The following QDPR variants were observed in gnomAD, a reference collection of about 807,000 sequenced individuals.
QDPR encodes the protein quinoid dihydropteridine reductase.
In QDPR, 23 loss-of-function variants were observed where a neutral mutation model predicts 31.7. The observed-to-expected ratio is 0.73, with a 90% confidence interval of 0.52 to 1.03. The LOEUF is 1.03. Among genes scored for constraint, QDPR ranks in the 50% least tolerant of loss-of-function variants. The probability of loss-of-function intolerance (pLI) is 0.00; values close to 1 mark genes in which losing one functional copy is unlikely to be tolerated. For missense variants in QDPR, 324 were observed against 323.8 expected, an observed-to-expected ratio of 1.00 and a Z score of 0.00; for synonymous variants, 124 against 124.7, an observed-to-expected ratio of 0.99 and a Z score of 0.03.
intron 6 of QDPR, among the ~76,000 whole-genome samples, chr4:17,488,288 T>G (rs1474846499): frequency 1.3e-5 from 2 of 152,002 alleles, no homozygotes; most frequent in African/African-American, 4.8e-5. Context: ...TTTTTAAAGA[T>G]TTTAATTAGT....
At chr4:17,494,663 G>A (rs1386510769) in intron 4 of QDPR, among the ~76,000 whole-genome samples, 1 of 152,152 alleles carries the variant, frequency 6.6e-6, no homozygotes, top group Non-Finnish European at 1.5e-5. Context: ...TGAGCACAGA[G>A]GAACACTCAA....
chr4:17,511,988 C>T lies in QDPR; in HGVS notation c.67G>A (p.Gly23Ser), dbSNP rs1719030411. ...VLVYGGRGAL[G>S]SRCVQAFRAR... ...CGAAAAGCCTGCACGCATCGAGAAC[C>T]CAGAGCGCCCCTGCCGCCGTACACC... Residue 23 changes from glycine (G) to serine (S), a missense_variant, in exon 1 of 7, where the codon GGT (glycine) becomes AGT (serine). Gly to Ser is a moderately conservative substitution (Grantham distance 56, BLOSUM62 0). Transcript: ENST00000281243. The T allele has an allele frequency of 1.2e-6, 2 of 1,610,616 alleles. No homozygotes were observed. The highest frequency in any genetic ancestry group is 1.7e-6 in the Non-Finnish European group (2 of 1,179,138).
intron 3 of QDPR, among the ~76,000 whole-genome samples, chr4:17,503,347 G>T (rs1718638031): frequency 6.6e-6 from 1 of 152,182 alleles, no homozygotes; most frequent in African/African-American, 2.4e-5. Context: ...ATAAACTGGG[G>T]AAATTTGAAT....
At chr4:17,492,370 A>C (rs925739398) in intron 4 of QDPR, 30 bp from the exon 5 acceptor site, 1 of 1,568,342 alleles carries the variant, frequency 6.4e-7, no homozygotes, top group Non-Finnish European at 8.8e-7. Flanking sequence ...TGGCTCAGTG[A>C]CCACTGGCGG....
chr4:17,500,802 G>T (rs1718534621), intron 4 of QDPR, among the ~76,000 whole-genome samples: 1 of 152,162 alleles, frequency 6.6e-6, no homozygotes, highest in African/African-American at 2.4e-5. Context: ...GATGATTAGG[G>T]TTTTGGTTCA....
At chr4:17,502,597 A>T (rs1166061658) in intron 3 of QDPR, among the ~76,000 whole-genome samples, 1 of 152,256 alleles carries the variant, frequency 6.6e-6, no homozygotes, top group Admixed American at 6.5e-5. Flanking sequence ...CAAAACATAC[A>T]AAAAGGTTAT....
Position 17,497,416 on chromosome 4 carries a change from C to A in QDPR, c.436+4303G>T, listed in dbSNP as rs192179986. On this transcript the variant is annotated intron_variant, in intron 4 of 6. Coordinates refer to ENST00000281243, the MANE Select transcript of QDPR (RefSeq NM_000320.3). ...AAACCTTTTCAGAGGTGGACTCACCCCCACCAAGAGCACTCCGCTTAGACC... is the reference window on the plus strand; with the variant it reads ...AAACCTTTTCAGAGGTGGACTCACCACCACCAAGAGCACTCCGCTTAGACC... Among the ~76,000 whole-genome samples, 617 of 150,946 alleles carry A rather than the reference C, an allele frequency of 4.1e-3. 7 individuals carry two copies. Among genetic ancestry groups the A allele is most frequent in the African/African-American group, 0.015 (593 of 40,392 alleles).
intron 2 of QDPR, 135 bp downstream of exon 2, chr4:17,509,136 C>A (rs1229566215): frequency 2.7e-6 from 2 of 734,238 alleles, no homozygotes; most frequent in Non-Finnish European, 4.7e-6. Flanking sequence ...CCAGCCTGGG[C>A]GACAGAGCAA....
chr4:17,490,280 T>C (rs974856204), intron 6 of QDPR: 3 of 311,390 alleles, frequency 9.6e-6, no homozygotes, highest in Non-Finnish European at 1.9e-5. Context: ...TGGGGATCAC[T>C]GAGCACTTGT....
At chr4:17,489,241 A>C (rs1268100743) in intron 6 of QDPR, among the ~76,000 whole-genome samples, 1 of 152,170 alleles carries the variant, frequency 6.6e-6, no homozygotes, top group Admixed American at 6.5e-5. Flanking sequence ...GAGTTTTCAA[A>C]TACCACAAAT....
intron 4 of QDPR, among the ~76,000 whole-genome samples, chr4:17,493,417 A>G (rs1718239831): frequency 1.3e-5 from 2 of 152,070 alleles, no homozygotes; most frequent in African/African-American, 4.8e-5. Flanking sequence ...CGTCTGATTT[A>G]AGGGCTCAGT....
intron 4 of QDPR, among the ~76,000 whole-genome samples, chr4:17,493,305 C>T (rs1220849165): frequency 1.3e-5 from 2 of 152,154 alleles, no homozygotes; most frequent in Non-Finnish European, 2.9e-5. Context: ...CCTGCTGGTA[C>T]ATGCCTGTGG....
chr4:17,501,925 T>C lies in QDPR; in HGVS notation c.296-66A>G, dbSNP rs1181042549. On this transcript the variant is annotated intron_variant, in intron 3 of 6. Coordinates refer to ENST00000281243, the MANE Select transcript of QDPR (RefSeq NM_000320.3). ...GAAACCAAAAGGTGAGCTCAACTCA[T>C]GCAGCCCCACACTCAGGGAGGCCCT... 55 of 1,605,434 alleles carry C rather than the reference T, an allele frequency of 3.4e-5. 1 individual carries two copies. The Middle Eastern group carries it at 5.3e-3, about 154-fold the overall frequency.
intron 3 of QDPR, 150 bp from the exon 4 acceptor site, chr4:17,502,009 C>T: frequency 1.1e-6 from 1 of 936,212 alleles, no homozygotes; most frequent in Non-Finnish European, 1.7e-6. Context: ...GCACAGGGCT[C>T]AGTGGTCAGA....
intron 4 of QDPR, 198 bp from the exon 5 acceptor site, chr4:17,492,538 C>A (rs867902292): frequency 6.5e-6 from 4 of 610,790 alleles, no homozygotes; most frequent in Non-Finnish European, 1.2e-5. Flanking sequence ...GATGGGAACA[C>A]GTGGGTTGGG....
chr4:17,487,989 G>A (rs554562835), intron 6 of QDPR, among the ~76,000 whole-genome samples: 4 of 152,240 alleles, frequency 2.6e-5, no homozygotes, highest in African/African-American at 7.2e-5. Context: ...TTGGCCAGGC[G>A]TGGTGGCTCA....
At chr4:17,504,764 A>C (rs796601426) in intron 2 of QDPR, among the ~76,000 whole-genome samples, 2 of 151,852 alleles carry the variant, frequency 1.3e-5, no homozygotes, top group African/African-American at 4.8e-5. Context: ...AATAAATAAA[A>C]GTAGGGAAAG....
At chr4:17,504,876 T>C (rs772874164) in intron 2 of QDPR, among the ~76,000 whole-genome samples, 3 of 152,144 alleles carry the variant, frequency 2.0e-5, no homozygotes, top group African/African-American at 4.8e-5. Context: ...CACAGAATTA[T>C]AATCCAAAAA....
Position 17,501,783 on chromosome 4 carries a change from C to G in QDPR, c.372G>C (p.Lys124Asn), listed in dbSNP as rs752066728. The G allele has an allele frequency of 1.9e-6, 3 of 1,614,176 alleles. No homozygotes were observed. Among genetic ancestry groups the G allele is most frequent in the Non-Finnish European group, 2.5e-6 (3 of 1,180,024 alleles). The change falls in exon 4 of 7, where the codon AAG becomes AAC. Residue 124 changes from lysine to asparagine, a missense_variant. Physicochemically the swap from Lys to Asn is moderately conservative, Grantham distance 94. Transcript: ENST00000281243. ...TCAGGAGGCCTCCTTCCTTGAGATGCTTGGTAGCCAGATGGCTGGAGATGG... is the reference window on the plus strand; with the variant it reads ...TCAGGAGGCCTCCTTCCTTGAGATGGTTGGTAGCCAGATGGCTGGAGATGG... Reference protein sequence around the residue: ...TSTISSHLATKHLKEGGLLTL... With the variant: ...TSTISSHLATNHLKEGGLLTL...
Sources: gnomAD v4.1 joint callset for allele counts (sites outside exome capture counted in the v4.1 genomes callset) on GRCh38, gnomAD v4.1.1 for gene constraint, MANE v1.5 for transcripts, NCBI Gene and HGNC (gene_info 2026-07-23, HGNC 2026-07-21) for gene names.